The following INTS4 variants were observed in gnomAD, a reference collection of about 807,000 sequenced individuals.
The protein encoded by INTS4 is MSTP093.
In INTS4, 70 loss-of-function variants were observed where a neutral mutation model predicts 119.5. That is an observed-to-expected ratio of 0.59 (90% CI 0.48 to 0.71). The LOEUF (loss-of-function observed/expected upper bound fraction) is 0.71, where lower values mean the gene tolerates loss of function less well. Ranked by LOEUF, INTS4 falls within the 30% of genes least tolerant of loss-of-function variation. INTS4 has a pLI of 0.00. For missense variants in INTS4, 867 were observed against 1,173.2 expected (o/e 0.74, Z 3.81); for synonymous variants, 316 against 419.6 (o/e 0.75, Z 3.02).
chr11:77,943,126 C>T (rs1287476423), intron 8 of INTS4, among the ~76,000 whole-genome samples: 1 of 152,146 alleles, frequency 6.6e-6, no homozygotes, highest in Non-Finnish European at 1.5e-5. Context: ...ATTTTCATGA[C>T]TTCACAGTAA....
downstream of INTS4, chr11:77,877,115 T>G (rs1951619982): frequency 4.3e-6 from 3 of 690,384 alleles, no homozygotes; most frequent in Admixed American, 6.1e-5. Context: ...TCTTTCGCAC[T>G]CATGACCTCG....
At chr11:77,917,417 G>T (rs1281982102) in intron 15 of INTS4, among the ~76,000 whole-genome samples, 1 of 150,924 alleles carries the variant, frequency 6.6e-6, no homozygotes, top group Non-Finnish European at 1.5e-5. Flanking sequence ...GAGTTCAAGC[G>T]ATCCTTGTGC....
intron 2 of INTS4, among the ~76,000 whole-genome samples, chr11:77,986,557 A>G (rs1311595874): frequency 6.6e-6 from 1 of 152,228 alleles, no homozygotes; most frequent in Non-Finnish European, 1.5e-5. Flanking sequence ...TTGCGGCACT[A>G]TTCACAAGAG....
intron 6 of INTS4, among the ~76,000 whole-genome samples, chr11:77,959,257 C>T (rs1591109327): frequency 6.6e-6 from 1 of 152,142 alleles, no homozygotes; most frequent in Non-Finnish European, 1.5e-5. Flanking sequence ...CTGGGTAGCC[C>T]CATACTCCCT....
chr11:77,929,009 G>A (rs560178242), intron 10 of INTS4, among the ~76,000 whole-genome samples: 15 of 146,528 alleles, frequency 1.0e-4, no homozygotes, highest in Non-Finnish European at 1.8e-4. Context: ...GACAGAGTGG[G>A]CCCCTGTCTC....
At chr11:77,904,518 T>C (rs1952880905) in intron 16 of INTS4, among the ~76,000 whole-genome samples, 1 of 152,222 alleles carries the variant, frequency 6.6e-6, no homozygotes, top group East Asian at 1.9e-4. Flanking sequence ...AGAAATCCAG[T>C]GTGTATTTTG....
At chr11:77,975,652 T>G (rs1006419795) in intron 4 of INTS4, among the ~76,000 whole-genome samples, 1 of 152,080 alleles carries the variant, frequency 6.6e-6, no homozygotes, top group South Asian at 2.1e-4. Context: ...AGTTGCAATT[T>G]TTACCCTATT....
chr11:77,915,751 C>G (rs1311010672), intron 15 of INTS4, among the ~76,000 whole-genome samples: 1 of 152,208 alleles, frequency 6.6e-6, no homozygotes, highest in Non-Finnish European at 1.5e-5. Flanking sequence ...CTATCTTCAT[C>G]TACTGTATCT....
chr11:77,875,578 C>T (rs1951572715), downstream of INTS4, among the ~76,000 whole-genome samples: 3 of 152,200 alleles, frequency 2.0e-5, no homozygotes, highest in African/African-American at 7.2e-5. Flanking sequence ...CTTCCAATTG[C>T]TGTTATCTTC....
intron 9 of INTS4, among the ~76,000 whole-genome samples, 187 bp downstream of exon 9, chr11:77,940,993 C>A (rs1201175239): frequency 1.3e-5 from 2 of 152,098 alleles, no homozygotes; most frequent in Non-Finnish European, 2.9e-5. Context: ...TATTTCATTA[C>A]AATAATACAA....
chr11:77,963,143 T>G (rs1413997919), intron 4 of INTS4, among the ~76,000 whole-genome samples: 1 of 152,094 alleles, frequency 6.6e-6, no homozygotes. Context: ...AGCAATAAAC[T>G]AAATACTTCT....
At chr11:77,878,705 A>G (rs1281557600), downstream of INTS4, 1 of 693,642 alleles carries the variant, frequency 1.4e-6, no homozygotes, top group Non-Finnish European at 2.6e-6. Context: ...TTTACAGACC[A>G]GGAACTAGAA....
At chr11:77,941,458 C>CTTTTTTTT (rs35544689) in intron 8 of INTS4, among the ~76,000 whole-genome samples, 3 of 138,454 alleles carry the variant, frequency 2.2e-5, no homozygotes, top group Non-Finnish European at 1.5e-5. Flanking sequence ...ACCTACTGTG[C>CTTTTTTTT]TTTTTTTTTT....
chr11:77,925,746 C>A (rs1953483151), intron 11 of INTS4, among the ~76,000 whole-genome samples: 1 of 152,240 alleles, frequency 6.6e-6, no homozygotes, highest in African/African-American at 2.4e-5. Context: ...GACTTCATCT[C>A]ATGCCACATT....
intron 4 of INTS4, among the ~76,000 whole-genome samples, chr11:77,975,620 G>T (rs1023113721): frequency 2.0e-5 from 3 of 152,032 alleles, no homozygotes; most frequent in African/African-American, 7.2e-5. Flanking sequence ...AAAAGCTTGT[G>T]ACAGATCTGC....
intron 21 of INTS4, among the ~76,000 whole-genome samples, chr11:77,887,236 G>C (rs1193141759): frequency 6.6e-6 from 1 of 152,156 alleles, no homozygotes; most frequent in Non-Finnish European, 1.5e-5. Context: ...GATCAAGTGG[G>C]CTTCATCCCT....
chr11:77,904,484 C>T (rs779596223), intron 16 of INTS4, among the ~76,000 whole-genome samples: 59 of 152,148 alleles, frequency 3.9e-4, no homozygotes, highest in Admixed American at 2.4e-3. Context: ...AATTAGTTTA[C>T]ATTTTCTCTT....
At chr11:77,890,734 AGATG>A (rs1952226852) in intron 21 of INTS4, among the ~76,000 whole-genome samples, 1 of 152,264 alleles carries the variant, frequency 6.6e-6, no homozygotes, top group East Asian at 1.9e-4. Context: ...ACGATTGCAC[AGATG>A]GATGGAAGGA....
chr11:77,982,000 G>A (rs1478862407), intron 2 of INTS4, among the ~76,000 whole-genome samples: 1 of 152,118 alleles, frequency 6.6e-6, no homozygotes, highest in Non-Finnish European at 1.5e-5. Flanking sequence ...AGTCATGTTA[G>A]ACACAAGTCA....
Sources: allele counts gnomAD v4.1 joint callset (sites outside exome capture counted in the v4.1 genomes callset), GRCh38; gene constraint gnomAD v4.1.1; transcripts MANE v1.5; gene names NCBI Gene and HGNC (gene_info 2026-07-23, HGNC 2026-07-21).